The following HYAL3 variants were observed in gnomAD, a reference collection of about 807,000 sequenced individuals.
HYAL3 encodes hyaluronidase 3.
Under a neutral mutation model 29.6 loss-of-function variants are expected in HYAL3, and 25 were observed. That is an observed-to-expected ratio of 0.85 (90% CI 0.62 to 1.18). The LOEUF (loss-of-function observed/expected upper bound fraction) is 1.18. Among genes scored for constraint, HYAL3 ranks in the 50% most tolerant of loss-of-function variants. The pLI is 0.00. For synonymous variants in HYAL3, 215 were observed against 218.3 expected, an observed-to-expected ratio of 0.99 and a Z score of 0.13; for missense variants, 442 against 548.4, an observed-to-expected ratio of 0.81 and a Z score of 1.94.
rs1040663911 is a variant in HYAL3 at position 50,299,391 on chromosome 3, C to T, written c.-196G>A. On this transcript the variant is annotated 5_prime_UTR_variant, in exon 1 of 4. Transcript: ENST00000336307. ...GCGTTCTAAGGCCTCCCAGCACCCG[C>T]GCGTCGCCGCTTAGAACCCGCCCCT... 1 of 1,411,658 alleles carries T rather than the reference C, an allele frequency of 7.1e-7. No individual in the cohort carries two copies. Among genetic ancestry groups the T allele is most frequent in the Non-Finnish European group, 9.6e-7 (1 of 1,044,654 alleles). 87.4% of individuals were successfully genotyped at this position (1,411,658 alleles called of 1,614,324 possible). A position where few individuals can be genotyped will look rare whatever the true frequency, so the allele number is the denominator to read the frequency against.
chr3:50,298,205 C>G (rs1553711724), intron 1 of HYAL3: 1 of 663,020 alleles, frequency 1.5e-6, no homozygotes, highest in Non-Finnish European at 1.9e-6. Context: ...CCCTATGTTC[C>G]GAGTCTCCTC....
rs782052987 is a variant in HYAL3 at position 50,297,104 on chromosome 3, C to G, written c.-17-1485G>C. On this transcript the variant is annotated intron_variant, in intron 1 of 3. Coordinates refer to ENST00000336307, the MANE Select transcript of HYAL3 (RefSeq NM_003549.4). The surrounding 1 kb of genome is among the most constrained non-coding windows in gnomAD (Gnocchi z 4.3). ...CCCGTGACAGGCGGGCATGGCCCAC[C>G]ACAACGGGTGCTGCTTCAAGTGTGG... 7 of 1,551,866 alleles carry G rather than the reference C, an allele frequency of 4.5e-6. No homozygotes were observed. The highest frequency in any genetic ancestry group is 4.1e-5 in the African/African-American group (3 of 73,138).
intron 1 of HYAL3, among the ~76,000 whole-genome samples, chr3:50,298,426 A>G (rs1477909920): frequency 6.6e-6 from 1 of 151,858 alleles, no homozygotes; most frequent in Non-Finnish European, 1.5e-5. Flanking sequence ...CAGCACCAGC[A>G]CTGGGCCTGG....
chr3:50,299,218 G>A lies in HYAL3; in HGVS notation c.-23C>T. 2 of 1,614,176 alleles carry A rather than the reference G, an allele frequency of 1.2e-6. No individual in the cohort carries two copies. The highest frequency in any genetic ancestry group is 1.7e-5 in the Admixed American group (1 of 60,036). ...GGGAAGGGTGCGGTACTGACATGTT[G>A]ATGCTGGCCTCTGGGATGTTCCGCG... On this transcript the variant is annotated 5_prime_UTR_variant, in exon 1 of 4. Transcript: ENST00000336307.
At position 50,295,548 on chromosome 3, in the gene HYAL3, AACCCAGGCACAGGGCCACCCCCAGC is replaced by A; in HGVS notation, c.30_54del (p.Leu11ValfsTer40). 6.3e-7 allele frequency: 1 copy of A among 1,584,782 alleles called. No individual in the cohort carries two copies. Among genetic ancestry groups the A allele is most frequent in the Non-Finnish European group, 8.6e-7 (1 of 1,162,588 alleles). ...GGGACCTGTGGTAGGGGCTGGCCAC[AACCCAGGCACAGGGCCACCCCCAGC>A]ACCAGGGCTGGGCCCAGTTGCGTGG... On this transcript the variant is annotated frameshift_variant, in exon 2 of 4. Transcript: ENST00000336307. LOFTEE classifies it high-confidence loss of function.
intron 2 of HYAL3, among the ~76,000 whole-genome samples, chr3:50,294,049 C>G (rs1472507102): frequency 6.6e-6 from 1 of 152,174 alleles, no homozygotes; most frequent in African/African-American, 2.4e-5. Flanking sequence ...ACCTGTAATC[C>G]CACACTTTGG....
Position 50,295,354 on chromosome 3 carries a change from G to A in HYAL3, c.249C>T (p.Tyr83=), listed in dbSNP as rs782385699. ...TGTGAGCTGTGCCCCTGGGTCCAAAGTAGGGATAGAGGCCGAGTTGGTTCT... is the reference window on the plus strand; with the variant it reads ...TGTGAGCTGTGCCCCTGGGTCCAAAATAGGGATAGAGGCCGAGTTGGTTCT... The part of the protein sequence containing the change: ...FYKNQLGLYP[Y]FGPRGTAHNG... The change falls in exon 2 of 4, where the codon TAC becomes TAT. Residue 83 remains tyrosine, a synonymous_variant. Coordinates refer to ENST00000336307, the MANE Select transcript of HYAL3 (RefSeq NM_003549.4). 1.9e-6 allele frequency: 3 copies of A among 1,614,210 alleles called. No homozygotes were observed.
In HYAL3 at chr3:50,295,075, C is replaced by T. The variant is rs782094575; in HGVS notation, c.528G>A (p.Ala176=). 79 of 1,613,102 alleles carry T rather than the reference C, an allele frequency of 4.9e-5. No homozygotes were observed. The highest frequency in any genetic ancestry group is 6.7e-5 in the East Asian group (3 of 44,886). ...LYKAYTGFEQ[A]ARALMEDTLR... Reference sequence around the variant, plus strand: ...GCGTATCCTCCATCAGTGCACGGGCCGCCTGCTCAAAGCCAGTATAGGCCT... The same window carrying T: ...GCGTATCCTCCATCAGTGCACGGGCTGCCTGCTCAAAGCCAGTATAGGCCT... The change falls in exon 2 of 4, where the codon GCG becomes GCA. Residue 176 remains alanine (A), a synonymous_variant. Transcript: ENST00000336307.
At chr3:50,294,597 G>T in intron 2 of HYAL3, 112 bp downstream of exon 2, 1 of 897,318 alleles carries the variant, frequency 1.1e-6, no homozygotes, top group Non-Finnish European at 1.6e-6. Flanking sequence ...AGGGCCTTCC[G>T]CTGAGAACGC....
At position 50,292,913 on chromosome 3, in the gene HYAL3, G is replaced by A. The variant is rs782735617; in HGVS notation, c.*333C>T. The A allele has an allele frequency of 5.3e-6, 8 of 1,505,516 alleles. No individual in the cohort carries two copies. The East Asian group carries it at 1.9e-4, about 37-fold the overall frequency. The allele number at this position is 1,505,516 out of a possible 1,614,324, so 93.3% of individuals were successfully genotyped here. On this transcript the variant is annotated 3_prime_UTR_variant, in exon 4 of 4. Transcript: ENST00000336307. Reference sequence around the variant, plus strand: ...CCGACCTTCGCCAAGATTTTTTGGGGCCCATCTGCCCGTGCACGGCCCATC... The same window carrying A: ...CCGACCTTCGCCAAGATTTTTTGGGACCCATCTGCCCGTGCACGGCCCATC...
At chr3:50,296,965 G>A (rs1022020856) in intron 1 of HYAL3, 29 of 1,594,956 alleles carry the variant, frequency 1.8e-5, no homozygotes, top group Middle Eastern at 1.7e-4. Context: ...CGGAAGCCCC[G>A]GGCCCGAGCA....
Position 50,296,502 on chromosome 3 carries a change from C to A in HYAL3, c.-17-883G>T, listed in dbSNP as rs1176127674. 2.9e-6 allele frequency: 4 copies of A among 1,394,278 alleles called. No individual in the cohort carries two copies. The African/African-American group carries it at 4.3e-5, about 15-fold the overall frequency. 86.4% of individuals were successfully genotyped at this position (1,394,278 alleles called of 1,614,324 possible). On this transcript the variant is annotated intron_variant, in intron 1 of 3. Transcript: ENST00000336307. ...GAAACATGCCCAGGTTAAAGCTGCC[C>A]CCCAGGGGCTAGGGGCTGAGGTATG... is the stretch of plus-strand genomic sequence containing the variant.
chr3:50,299,126 G>C, intron 1 of HYAL3, 87 bp downstream of exon 1: 4 of 1,612,848 alleles, frequency 2.5e-6, no homozygotes, highest in Non-Finnish European at 3.4e-6. Flanking sequence ...CTGACGCGGG[G>C]AGGGCGTGCA....
At chr3:50,296,067 G>A (rs1701828769) in intron 1 of HYAL3, among the ~76,000 whole-genome samples, 1 of 152,188 alleles carries the variant, frequency 6.6e-6, no homozygotes, top group Non-Finnish European at 1.5e-5. Flanking sequence ...GGATCCCCAG[G>A]TGGAGTGAAG....
chr3:50,298,967 T>G (rs1177549391), intron 1 of HYAL3: 17 of 1,441,358 alleles, frequency 1.2e-5, no homozygotes, highest in Non-Finnish European at 1.5e-5. Flanking sequence ...GGCTCCGGGG[T>G]CCTCAGAGAG....
chr3:50,294,773 T>C lies in HYAL3; in HGVS notation c.830A>G (p.His277Arg). Reference protein sequence around the residue: ...AFRVALVGHRHPLPVLAYVRL... With the variant: ...AFRVALVGHRRPLPVLAYVRL... ...GACATAGGCCAGGACAGGCAGGGGA[T>C]GTCGGTGCCCAACAAGGGCCACACG... The change falls in exon 2 of 4, where the codon CAT becomes CGT. Residue 277 changes from histidine (H) to arginine (R), a missense_variant. Coordinates refer to ENST00000336307, the MANE Select transcript of HYAL3 (RefSeq NM_003549.4). 6.6e-7 allele frequency: 1 copy of C among 1,514,526 alleles called. No individual in the cohort carries two copies. Among genetic ancestry groups the C allele is most frequent in the South Asian group, 1.3e-5 (1 of 76,026 alleles). The allele number at this position is 1,514,526 out of a possible 1,614,324, so 93.8% of individuals were successfully genotyped here. A position where few individuals can be genotyped will look rare whatever the true frequency, so the allele number is the denominator to read the frequency against.
chr3:50,295,155 A>C lies in HYAL3; in HGVS notation c.448T>G (p.Trp150Gly). ...GRRRAYQAAS[W>G]AWAQQVFPDL... is the part of the protein sequence containing the mutation. ...GGGAATACCTGCTGTGCCCAAGCCC[A>C]AGAGGCTGCCTGATAAGCTCGGCGG... The change falls in exon 2 of 4, where the codon TGG (tryptophan) becomes GGG (glycine). Residue 150 changes from tryptophan (W) to glycine (G), a missense_variant. Coordinates refer to ENST00000336307, the MANE Select transcript of HYAL3 (RefSeq NM_003549.4). The C allele has an allele frequency of 6.2e-7, 1 of 1,613,574 alleles. No individual in the cohort carries two copies. Among genetic ancestry groups the C allele is most frequent in the Non-Finnish European group, 8.5e-7 (1 of 1,180,036 alleles).
At position 50,297,147 on chromosome 3, in the gene HYAL3, A is replaced by G; in HGVS notation, c.-17-1528T>C. 6.3e-7 allele frequency: 1 copy of G among 1,594,428 alleles called. No individual in the cohort carries two copies. The highest frequency in any genetic ancestry group is 1.7e-5 in the Admixed American group (1 of 57,968). On this transcript the variant is annotated intron_variant, in intron 1 of 3. Transcript: ENST00000336307. The surrounding 1 kb of genome is among the most constrained non-coding windows in gnomAD (Gnocchi z 4.3). ...AAGTGTGGGGTGGGGGCTTAGCAGC[A>G]TCAGGCAGAGGGGGAAGGCATCTGA...
At chr3:50,298,710 T>G in intron 1 of HYAL3, 1 of 985,604 alleles carries the variant, frequency 1.0e-6, no homozygotes, top group East Asian at 1.1e-4. Context: ...AGAGGGGGCC[T>G]CCTGGCTCCC....
Sources: gnomAD v4.1 joint callset for allele counts (sites outside exome capture counted in the v4.1 genomes callset) on GRCh38, gnomAD v4.1.1 for gene constraint, Gnocchi (gnomAD v3.1) non-coding constraint, MANE v1.5 for transcripts, NCBI Gene and HGNC (gene_info 2026-07-23, HGNC 2026-07-21) for gene names.